The following PCDH7 variants were observed in gnomAD, a reference collection of about 807,000 sequenced individuals.
PCDH7 encodes protocadherin 7, also known as protocadherin-7.
In PCDH7, 17 loss-of-function variants were observed where a neutral mutation model predicts 58.9. That is an observed-to-expected ratio of 0.29 (90% CI 0.20 to 0.43). The LOEUF (loss-of-function observed/expected upper bound fraction) is 0.43. PCDH7 is among the 20% of genes least tolerant of loss of function. The pLI, the probability that PCDH7 is intolerant of heterozygous loss-of-function variation, is 1.00. For synonymous variants in PCDH7, 664 were observed against 616.4 expected (o/e 1.08, Z -1.14); for missense variants, 1,274 against 1,441.0 (o/e 0.88, Z 1.88).
intron 1 of PCDH7, among the ~76,000 whole-genome samples, chr4:30,728,396 A>G (rs758343194): frequency 5.3e-5 from 8 of 151,504 alleles, no homozygotes; most frequent in Non-Finnish European, 1.0e-4. Context: ...CTCATTCTGT[A>G]AGCATAATTT....
intron 3 of PCDH7, among the ~76,000 whole-genome samples, chr4:31,119,348 A>G (rs1239299511): frequency 6.6e-6 from 1 of 152,146 alleles, no homozygotes; most frequent in African/African-American, 2.4e-5. Context: ...AACCATTGAG[A>G]GTCAAGGGTT....
intron 3 of PCDH7, among the ~76,000 whole-genome samples, chr4:30,963,169 C>A (rs1363473424): frequency 2.6e-5 from 4 of 152,164 alleles, no homozygotes; most frequent in Non-Finnish European, 5.9e-5. Flanking sequence ...TCACAGATTC[C>A]TCTGGCTTTT....
At chr4:30,908,288 T>A (rs559318420) in intron 1 of PCDH7, among the ~76,000 whole-genome samples, 2 of 150,330 alleles carry the variant, frequency 1.3e-5, no homozygotes, top group East Asian at 3.9e-4. Context: ...GAAATGGGCT[T>A]CCTAATTAAA....
chr4:31,027,922 A>G (rs1414064764), intron 3 of PCDH7, among the ~76,000 whole-genome samples: 1 of 152,176 alleles, frequency 6.6e-6, no homozygotes, highest in Non-Finnish European at 1.5e-5. Flanking sequence ...AACTTGATTT[A>G]ATTTAACTGT....
chr4:30,796,485 A>C (rs1176433472), intron 1 of PCDH7, among the ~76,000 whole-genome samples: 1 of 152,208 alleles, frequency 6.6e-6, no homozygotes, highest in Non-Finnish European at 1.5e-5. Flanking sequence ...CAAAACTATG[A>C]AATACAACAG....
chr4:30,970,415 C>G (rs1253313320), intron 3 of PCDH7, among the ~76,000 whole-genome samples: 1 of 152,096 alleles, frequency 6.6e-6, no homozygotes. Context: ...CTGCCTCAGC[C>G]TCCCCAGTAG....
intron 1 of PCDH7, among the ~76,000 whole-genome samples, chr4:30,743,698 CCTT>C (rs1717388652): frequency 6.6e-6 from 1 of 151,756 alleles, no homozygotes; most frequent in Non-Finnish European, 1.5e-5. Flanking sequence ...CTCCTTCAAT[CCTT>C]CTTCTCAATC....
chr4:30,992,864 T>C (rs746669990), intron 3 of PCDH7, among the ~76,000 whole-genome samples: 2 of 147,276 alleles, frequency 1.4e-5, no homozygotes, highest in Non-Finnish European at 3.0e-5. Context: ...AATGGCATGA[T>C]CTTGGCTCAC....
At chr4:30,763,058 C>A (rs1435773315) in intron 1 of PCDH7, among the ~76,000 whole-genome samples, 1 of 152,120 alleles carries the variant, frequency 6.6e-6, no homozygotes, top group African/African-American at 2.4e-5. Context: ...GCCTGGCCAA[C>A]ATGGTGAAAC....
In PCDH7 at chr4:30,946,690, T is replaced by TTGTGTGTGTGTGTGTGTGTGTG. The variant is rs112524366; in HGVS notation, c.288-3413_288-3392dup. 1.2e-3 allele frequency among the ~76,000 whole-genome samples: 164 copies of TTGTGTGTGTGTGTGTGTGTGTG among 137,624 alleles called. 5 individuals are homozygous for TTGTGTGTGTGTGTGTGTGTGTG. The highest frequency in any genetic ancestry group is 3.8e-3 in the Middle Eastern group (1 of 262). The allele number at this position is 137,624 out of a possible 152,430, so 90.3% of individuals were successfully genotyped here. A position where few individuals can be genotyped will look rare whatever the true frequency, so the allele number is the denominator to read the frequency against. On this transcript the variant is annotated intron_variant, in intron 2 of 3. Coordinates refer to the PCDH7 transcript ENST00000509759. ...CTCAGTATTTAACGCCTTATCTCTTTTGTGTGTGTGTGTGTGTGTGTGTGT... is the reference window on the plus strand; with the variant it reads ...CTCAGTATTTAACGCCTTATCTCTTTTGTGTGTGTGTGTGTGTGTGTGTGTGTGTGTGTGTGTGTGTGTGTGT...
chr4:31,104,803 A>G (rs1171742995), intron 3 of PCDH7, among the ~76,000 whole-genome samples: 1 of 152,210 alleles, frequency 6.6e-6, no homozygotes, highest in Admixed American at 6.5e-5. Flanking sequence ...TGCTGCTTGA[A>G]CAGCTGAAGT....
intron 3 of PCDH7, 51 bp from the exon 3 acceptor site, chr4:31,142,422 A>T (rs2109349499): frequency 7.7e-7 from 1 of 1,304,454 alleles, no homozygotes; most frequent in Non-Finnish European, 1.0e-6. Flanking sequence ...AGATCAGGGG[A>T]GCCTGTTGAG....
intron 3 of PCDH7, among the ~76,000 whole-genome samples, chr4:30,975,348 A>G (rs1749978809): frequency 6.6e-6 from 1 of 152,188 alleles, no homozygotes; most frequent in African/African-American, 2.4e-5. Context: ...CATGAGTAAT[A>G]GTGTATCTCA....
At chr4:31,120,426 T>C (rs1250222049) in intron 3 of PCDH7, among the ~76,000 whole-genome samples, 1 of 132,152 alleles carries the variant, frequency 7.6e-6, no homozygotes, top group Non-Finnish European at 1.6e-5. Flanking sequence ...TCGTTGTTTT[T>C]CTTTCTATTT....
intron 1 of PCDH7, among the ~76,000 whole-genome samples, chr4:30,834,353 C>T (rs1386290902): frequency 6.6e-6 from 1 of 152,010 alleles, no homozygotes; most frequent in Non-Finnish European, 1.5e-5. Context: ...CTGCTCATCA[C>T]GATAAAGCAA....
chr4:30,757,098 A>G (rs1719399976), intron 1 of PCDH7, among the ~76,000 whole-genome samples: 1 of 152,178 alleles, frequency 6.6e-6, no homozygotes, highest in Non-Finnish European at 1.5e-5. Flanking sequence ...TACACTCCTT[A>G]TTATAGCAGT....
At chr4:31,132,197 T>C (rs188989897) in intron 3 of PCDH7, among the ~76,000 whole-genome samples, 1 of 152,160 alleles carries the variant, frequency 6.6e-6, no homozygotes, top group African/African-American at 2.4e-5. Flanking sequence ...TCTTCTCATT[T>C]ACTTTTAGAA....
chr4:30,914,232 C>T (rs1239697896), intron 1 of PCDH7, among the ~76,000 whole-genome samples: 1 of 152,186 alleles, frequency 6.6e-6, no homozygotes, highest in Non-Finnish European at 1.5e-5. Context: ...GCATTTCCAT[C>T]AGCTGGAGGC....
At chr4:31,095,990 A>C (rs1252673049) in intron 3 of PCDH7, among the ~76,000 whole-genome samples, 1 of 152,204 alleles carries the variant, frequency 6.6e-6, no homozygotes, top group Middle Eastern at 3.2e-3. Context: ...CAGACACTGC[A>C]TCTCCCTTGG....
Sources: allele counts gnomAD v4.1 joint callset (sites outside exome capture counted in the v4.1 genomes callset), GRCh38; gene constraint gnomAD v4.1.1; transcripts MANE v1.5; gene names NCBI Gene and HGNC (gene_info 2026-07-23, HGNC 2026-07-21).